The following AGBL4 variants were observed in gnomAD, a reference collection of about 807,000 sequenced individuals.
AGBL4 encodes the protein cytosolic carboxypeptidase 6.
In AGBL4, 58 loss-of-function variants were observed where a neutral mutation model predicts 66.4. That is an observed-to-expected ratio of 0.87 (90% CI 0.71 to 1.09). The LOEUF (loss-of-function observed/expected upper bound fraction) is 1.09, where lower values mean the gene tolerates loss of function less well. AGBL4 is among the 50% of genes least tolerant of loss of function. The probability of loss-of-function intolerance (pLI) is 0.00; values close to 1 mark genes in which losing one functional copy is unlikely to be tolerated. For synonymous variants in AGBL4, 234 were observed against 222.9 expected (o/e 1.05, Z -0.44); for missense variants, 579 against 631.0 (o/e 0.92, Z 0.88).
At chr1:48,725,571 G>A (rs1316169776) in intron 6 of AGBL4, among the ~76,000 whole-genome samples, 9 of 152,106 alleles carry the variant, frequency 5.9e-5, no homozygotes, top group African/African-American at 1.7e-4. Flanking sequence ...CTGAGATTAC[G>A]TGACTAGATT....
intron 4 of AGBL4, among the ~76,000 whole-genome samples, chr1:49,065,389 G>A (rs1175093791): frequency 6.6e-6 from 1 of 152,174 alleles, no homozygotes; most frequent in African/African-American, 2.4e-5. Flanking sequence ...TATTCAAATG[G>A]GAAGAAAGAC....
At chr1:49,824,956 A>G (rs557060704) in intron 2 of AGBL4, among the ~76,000 whole-genome samples, 1 of 152,230 alleles carries the variant, frequency 6.6e-6, no homozygotes, top group East Asian at 1.9e-4. Context: ...GTTTGCCTCT[A>G]TTGATTTTGA....
intron 11 of AGBL4, among the ~76,000 whole-genome samples, chr1:48,548,452 C>T (rs921153741): frequency 1.3e-5 from 2 of 152,202 alleles, no homozygotes; most frequent in African/African-American, 2.4e-5. Context: ...ACCTCAGGGA[C>T]GAGTCCTCCC....
chr1:49,996,095 T>A (rs1284292721), intron 1 of AGBL4: 1 of 152,088 alleles, frequency 6.6e-6, no homozygotes, highest in Non-Finnish European at 1.5e-5. Context: ...CCCCCTGACA[T>A]AATCTACCCA....
chr1:48,754,131 G>C (rs1000512862), intron 6 of AGBL4, among the ~76,000 whole-genome samples: 1 of 152,184 alleles, frequency 6.6e-6, no homozygotes, highest in Non-Finnish European at 1.5e-5. Context: ...GGTACTTACA[G>C]TGTAACAAAC....
chr1:49,344,924 T>A (rs1269546051), intron 3 of AGBL4, among the ~76,000 whole-genome samples: 2 of 152,210 alleles, frequency 1.3e-5, no homozygotes, highest in Non-Finnish European at 2.9e-5. Flanking sequence ...ATCTTTGAGT[T>A]ATCATTTTGG....
intron 11 of AGBL4, among the ~76,000 whole-genome samples, chr1:48,578,784 C>G (rs1644692255): frequency 6.6e-6 from 1 of 152,140 alleles, no homozygotes; most frequent in South Asian, 2.1e-4. Flanking sequence ...TTTGCATTCA[C>G]TGAGTATCTA....
intron 1 of AGBL4, among the ~76,000 whole-genome samples, chr1:49,936,247 A>T (rs1044738611): frequency 1.3e-5 from 2 of 152,202 alleles, no homozygotes; most frequent in African/African-American, 2.4e-5. Flanking sequence ...GCGATGGAAG[A>T]TGAAATGAAT....
At chr1:49,678,932 A>G (rs1646636091) in intron 3 of AGBL4, among the ~76,000 whole-genome samples, 1 of 152,076 alleles carries the variant, frequency 6.6e-6, no homozygotes, top group African/African-American at 2.4e-5. Flanking sequence ...AAATTTCCCA[A>G]AATTTGTTAA....
At chr1:49,935,536 G>C (rs942108136) in intron 1 of AGBL4, among the ~76,000 whole-genome samples, 1 of 152,180 alleles carries the variant, frequency 6.6e-6, no homozygotes, top group African/African-American at 2.4e-5. Flanking sequence ...ACCTCCTCAA[G>C]TGGGTCCCTA....
intron 1 of AGBL4, among the ~76,000 whole-genome samples, chr1:50,002,621 G>C (rs1025955439): frequency 3.3e-5 from 5 of 151,660 alleles, no homozygotes; most frequent in African/African-American, 7.3e-5. Context: ...CGCCCGCCTC[G>C]GCCTCCCAAA....
intron 1 of AGBL4, among the ~76,000 whole-genome samples, chr1:49,861,829 C>T (rs1440959824): frequency 2.0e-5 from 3 of 152,224 alleles, no homozygotes; most frequent in Non-Finnish European, 2.9e-5. Flanking sequence ...CACAATGTAA[C>T]TGGGCTTGGG....
chr1:49,683,904 G>A (rs1399489053), intron 3 of AGBL4, among the ~76,000 whole-genome samples: 10 of 152,142 alleles, frequency 6.6e-5, no homozygotes, highest in Admixed American at 5.2e-4. Context: ...GTAGGCTGCT[G>A]GAAAGATGAA....
intron 8 of AGBL4, among the ~76,000 whole-genome samples, chr1:48,637,161 A>G (rs917141225): frequency 3.9e-5 from 6 of 152,226 alleles, no homozygotes; most frequent in African/African-American, 1.4e-4. Context: ...TAACTCAAAA[A>G]TGCTATATTG....
intron 1 of AGBL4, among the ~76,000 whole-genome samples, chr1:49,984,587 C>T (rs1211463570): frequency 6.6e-6 from 1 of 152,182 alleles, no homozygotes. Flanking sequence ...CCTCCTGCTT[C>T]CAGGTGCCTA....
intron 3 of AGBL4, among the ~76,000 whole-genome samples, chr1:49,578,036 TGGCCTAGA>T (rs1430929768): frequency 6.6e-6 from 1 of 152,220 alleles, no homozygotes; most frequent in East Asian, 1.9e-4. Context: ...TATGTTCTGC[TGGCCTAGA>T]GGTCTTAGTT....
intron 3 of AGBL4, among the ~76,000 whole-genome samples, chr1:49,338,034 C>A (rs1288185030): frequency 2.6e-5 from 4 of 152,074 alleles, no homozygotes; most frequent in East Asian, 1.9e-4. Flanking sequence ...AGTTAAATTG[C>A]CCAAATTATT....
rs1643931161 is a variant in AGBL4, at chr1:49,352,489, G to A, written c.283-106625C>T. Among the ~76,000 whole-genome samples the A allele has an allele frequency of 2.0e-5, 3 of 150,610 alleles. No individual in the cohort carries two copies. The South Asian group carries it at 6.3e-4, about 31-fold the overall frequency. On this transcript the variant is annotated intron_variant, in intron 3 of 13. Transcript: ENST00000371839. ...GCTGCTTAATCTGCACTGGGGTCCT[G>A]GGGCAGAGAATATCAGCTCCCAGCA...
At chr1:50,019,945 A>C (rs995030227) in intron 1 of AGBL4, among the ~76,000 whole-genome samples, 1 of 152,064 alleles carries the variant, frequency 6.6e-6, no homozygotes, top group Non-Finnish European at 1.5e-5. Flanking sequence ...GATTTAAAAG[A>C]AGAAACTTCC....
Sources: allele counts gnomAD v4.1 joint callset (sites outside exome capture counted in the v4.1 genomes callset), GRCh38; gene constraint gnomAD v4.1.1; transcripts MANE v1.5; gene names NCBI Gene and HGNC (gene_info 2026-07-23, HGNC 2026-07-21).